The following SNTG1 variants were observed in gnomAD, a reference collection of about 807,000 sequenced individuals.
SNTG1 encodes the protein gamma-1-syntrophin.
Under a neutral mutation model 74.7 loss-of-function variants are expected in SNTG1, and 39 were observed. The observed-to-expected ratio is 0.52, with a 90% confidence interval of 0.40 to 0.68. SNTG1 has a LOEUF of 0.68. Among genes scored for constraint, SNTG1 ranks in the 30% least tolerant of loss-of-function variants. The probability of loss-of-function intolerance (pLI) is 0.00; values close to 1 mark genes in which losing one functional copy is unlikely to be tolerated. For missense variants in SNTG1, 685 were observed against 609.5 expected (o/e 1.12, Z -1.30); for synonymous variants, 254 against 217.1 (o/e 1.17, Z -1.49).
chr8:50,147,844 G>T (rs1366193162), intron 1 of SNTG1, among the ~76,000 whole-genome samples: 1 of 152,168 alleles, frequency 6.6e-6, no homozygotes, highest in Non-Finnish European at 1.5e-5. Flanking sequence ...CACACTGCAT[G>T]TGCCATGCCT....
At chr8:50,465,269 T>C (rs537725086) in intron 8 of SNTG1, among the ~76,000 whole-genome samples, 1 of 152,316 alleles carries the variant, frequency 6.6e-6, no homozygotes, top group African/African-American at 2.4e-5. Flanking sequence ...TGTACAGCAG[T>C]ATCAGAATAA....
At chr8:50,606,507 AT>A (rs1165013496) in intron 13 of SNTG1, among the ~76,000 whole-genome samples, 1 of 152,008 alleles carries the variant, frequency 6.6e-6, no homozygotes, top group Non-Finnish European at 1.5e-5. Context: ...ACAATAGACA[AT>A]TATGTTATCT....
intron 13 of SNTG1, among the ~76,000 whole-genome samples, chr8:50,651,319 C>T (rs1204100450): frequency 6.6e-6 from 1 of 151,336 alleles, no homozygotes; most frequent in African/African-American, 2.4e-5. Flanking sequence ...ATCTAGATTC[C>T]TGGATTACAG....
At chr8:50,533,337 C>T (rs535030895) in intron 10 of SNTG1, among the ~76,000 whole-genome samples, 2 of 152,300 alleles carry the variant, frequency 1.3e-5, no homozygotes, top group East Asian at 3.9e-4. Flanking sequence ...GCCCTTTGTG[C>T]AGTTCTGTTC....
intron 2 of SNTG1, among the ~76,000 whole-genome samples, chr8:50,364,312 C>T (rs2092046040): frequency 6.6e-6 from 1 of 152,148 alleles, no homozygotes; most frequent in Non-Finnish European, 1.5e-5. Flanking sequence ...ATGAAAGACA[C>T]TCCTTTCACC....
At chr8:50,014,348 G>A (rs1357460365) in intron 1 of SNTG1, among the ~76,000 whole-genome samples, 3 of 152,068 alleles carry the variant, frequency 2.0e-5, no homozygotes, top group Non-Finnish European at 4.4e-5. Flanking sequence ...CATTATTACA[G>A]AAACAATAGA....
At chr8:50,273,265 G>A (rs1280917191) in intron 2 of SNTG1, among the ~76,000 whole-genome samples, 1 of 152,084 alleles carries the variant, frequency 6.6e-6, no homozygotes, top group South Asian at 2.1e-4. Flanking sequence ...CATACTAAGA[G>A]CCTCATACAA....
intron 1 of SNTG1, among the ~76,000 whole-genome samples, chr8:49,943,601 C>T (rs1808891821): frequency 6.6e-6 from 1 of 152,162 alleles, no homozygotes; most frequent in Non-Finnish European, 1.5e-5. Flanking sequence ...CTCTTTTGTC[C>T]AATTTGCAGA....
At chr8:50,291,248 G>A (rs1218880163) in intron 2 of SNTG1, among the ~76,000 whole-genome samples, 2 of 151,482 alleles carry the variant, frequency 1.3e-5, no homozygotes, top group East Asian at 1.9e-4. Context: ...ACATATGTGT[G>A]TGTGTGTGTG....
intron 1 of SNTG1, among the ~76,000 whole-genome samples, chr8:50,009,377 A>AC (rs1259727095): frequency 1.3e-5 from 2 of 152,130 alleles, no homozygotes; most frequent in Non-Finnish European, 2.9e-5. Flanking sequence ...GGTAGACTGG[A>AC]CTACCTTTTC....
chr8:50,160,938 G>A (rs2082396581), intron 1 of SNTG1, among the ~76,000 whole-genome samples: 2 of 152,250 alleles, frequency 1.3e-5, no homozygotes, highest in Non-Finnish European at 1.5e-5. Flanking sequence ...GGAAAGGGGA[G>A]TTCAGGCAGA....
chr8:50,270,763 A>G (rs1210506752), intron 2 of SNTG1, among the ~76,000 whole-genome samples: 1 of 152,214 alleles, frequency 6.6e-6, no homozygotes, highest in Non-Finnish European at 1.5e-5. Context: ...AAGGCTTAGC[A>G]CATATTGATT....
At chr8:50,185,782 A>G (rs1445591139) in intron 2 of SNTG1, among the ~76,000 whole-genome samples, 2 of 151,388 alleles carry the variant, frequency 1.3e-5, no homozygotes, top group Non-Finnish European at 1.5e-5. Flanking sequence ...ATTTTTTTCT[A>G]TATTATACAA....
At chr8:50,781,100 T>C (rs1344380108) in intron 18 of SNTG1, among the ~76,000 whole-genome samples, 1 of 152,342 alleles carries the variant, frequency 6.6e-6, no homozygotes, top group East Asian at 1.9e-4. Context: ...CTTTTACATT[T>C]GCTGAGGAGA....
intron 1 of SNTG1, among the ~76,000 whole-genome samples, chr8:50,115,571 A>AG (rs2080783469): frequency 7.3e-6 from 1 of 136,354 alleles, no homozygotes; most frequent in African/African-American, 3.1e-5. Flanking sequence ...CTGTCTCAAA[A>AG]AAAAAAAAAA....
chr8:50,203,475 TGTTG>T (rs2084071009), intron 2 of SNTG1, among the ~76,000 whole-genome samples: 1 of 152,164 alleles, frequency 6.6e-6, no homozygotes, highest in Non-Finnish European at 1.5e-5. Flanking sequence ...TATTTTTTCT[TGTTG>T]TAAGGAGTGG....
At chr8:50,613,911 A>G (rs1272793240) in intron 13 of SNTG1, among the ~76,000 whole-genome samples, 2 of 152,138 alleles carry the variant, frequency 1.3e-5, no homozygotes, top group Non-Finnish European at 2.9e-5. Flanking sequence ...AAAATAAAAC[A>G]CTCACACATT....
intron 18 of SNTG1, among the ~76,000 whole-genome samples, chr8:50,778,362 CTGT>C: frequency 6.6e-6 from 1 of 152,114 alleles, no homozygotes; most frequent in Non-Finnish European, 1.5e-5. Flanking sequence ...TCTCCAGGAC[CTGT>C]TGTTTCCTGA....
chr8:50,005,579 A>G (rs1414660935), intron 1 of SNTG1, among the ~76,000 whole-genome samples: 1 of 152,188 alleles, frequency 6.6e-6, no homozygotes, highest in Non-Finnish European at 1.5e-5. Flanking sequence ...ATATGCAATA[A>G]GGGTTACTAT....
Sources: gnomAD v4.1 joint callset for allele counts (sites outside exome capture counted in the v4.1 genomes callset) on GRCh38, gnomAD v4.1.1 for gene constraint, MANE v1.5 for transcripts, NCBI Gene and HGNC (gene_info 2026-07-23, HGNC 2026-07-21) for gene names.